BBS9: variants seen among roughly 807,000 people sequenced by gnomAD.
The protein encoded by BBS9 is protein PTHB1.
A neutral mutation model predicts 117.7 loss-of-function variants in BBS9; 89 were observed. That is an observed-to-expected ratio of 0.76 (90% CI 0.64 to 0.90). BBS9 has a LOEUF of 0.90. Ranked by LOEUF, BBS9 falls within the 40% of genes least tolerant of loss-of-function variation. BBS9 has a pLI of 0.00. For missense variants in BBS9, 982 were observed against 1,042.2 expected (o/e 0.94, Z 0.80); for synonymous variants, 379 against 370.9 (o/e 1.02, Z -0.25).
At chr7:33,319,365 A>G (rs1811211924) in intron 9 of BBS9, among the ~76,000 whole-genome samples, 1 of 152,100 alleles carries the variant, frequency 6.6e-6, no homozygotes, top group East Asian at 1.9e-4. Context: ...TGCATGTGTA[A>G]GCATCTTTTT....
At chr7:33,439,348 G>A (rs1487471312) in intron 19 of BBS9, among the ~76,000 whole-genome samples, 10 of 152,116 alleles carry the variant, frequency 6.6e-5, no homozygotes, top group Admixed American at 6.5e-4. Flanking sequence ...ATTTCTCTGA[G>A]TTTTAAAGAA....
chr7:33,439,844 G>C (rs888215507), intron 19 of BBS9, among the ~76,000 whole-genome samples: 5 of 152,078 alleles, frequency 3.3e-5, no homozygotes, highest in Admixed American at 1.3e-4. Flanking sequence ...AATTGTTAAA[G>C]GAAAACCTTT....
chr7:33,141,046 G>A (rs1791372855), intron 1 of BBS9, among the ~76,000 whole-genome samples: 1 of 152,114 alleles, frequency 6.6e-6, no homozygotes, highest in African/African-American at 2.4e-5. Flanking sequence ...AATGAAAACA[G>A]TACAGTGATC....
chr7:33,382,228 G>T (rs542244683), intron 17 of BBS9, among the ~76,000 whole-genome samples: 1 of 152,162 alleles, frequency 6.6e-6, no homozygotes, highest in Non-Finnish European at 1.5e-5. Context: ...TTGGGAGGCC[G>T]AGGTGGGTGG....
At chr7:33,461,621 C>T (rs553952106) in intron 19 of BBS9, among the ~76,000 whole-genome samples, 14 of 151,802 alleles carry the variant, frequency 9.2e-5, no homozygotes, top group African/African-American at 2.9e-4. Flanking sequence ...TTTAAATGTT[C>T]GGGCACAGTA....
intron 5 of BBS9, among the ~76,000 whole-genome samples, chr7:33,180,237 C>T (rs1196480376): frequency 2.0e-5 from 3 of 152,216 alleles, no homozygotes; most frequent in African/African-American, 7.2e-5. Flanking sequence ...GGGAACAACA[C>T]AGCAGTAGGG....
At position 33,157,782 on chromosome 7, in the gene BBS9, A is replaced by G. The variant is rs542477989; in HGVS notation, c.328+2080A>G. The G allele has an allele frequency of 2.6e-5, 4 of 152,240 alleles. No homozygotes were observed. In the East Asian group the frequency reaches 7.7e-4, roughly 29 times the overall value. The allele number at this position is 152,240 out of a possible 1,614,324, so 9.4% of individuals were successfully genotyped here. ...GTCAGTCTCCTGGACATACCTAACA[A>G]CCCTTAATAGTCAGAGGCTATTTTG... On this transcript the variant is annotated intron_variant, in intron 4 of 22. Coordinates refer to ENST00000242067, the MANE Select transcript of BBS9 (RefSeq NM_198428.3).
intron 17 of BBS9, among the ~76,000 whole-genome samples, chr7:33,378,401 C>G (rs1286324607): frequency 6.6e-6 from 1 of 152,140 alleles, no homozygotes; most frequent in Non-Finnish European, 1.5e-5. Flanking sequence ...TATTACCTCT[C>G]TTTTATAAAG....
intron 8 of BBS9, 30 bp downstream of exon 8, chr7:33,273,225 C>G (rs892834804): frequency 1.2e-6 from 2 of 1,609,874 alleles, no homozygotes; most frequent in African/African-American, 2.7e-5. Context: ...TTTATCTCTT[C>G]CATATGTCAA....
In BBS9 at chr7:33,554,139, G is replaced by A. The variant is rs911389614; in HGVS notation, c.2521+19963G>A. Among the ~76,000 whole-genome samples, 3 of 152,020 alleles carry A rather than the reference G, an allele frequency of 2.0e-5. No homozygotes were observed. The East Asian group carries it at 5.8e-4, about 29-fold the overall frequency. On this transcript the variant is annotated intron_variant, in intron 21 of 22. Coordinates refer to ENST00000242067, the MANE Select transcript of BBS9 (RefSeq NM_198428.3). ...GTCTATCTGGCTTGATCTTGATGAG[G>A]ACAAATGGCAGGGAGAGTTAGATTG...
chr7:33,387,887 A>G, intron 18 of BBS9, 105 bp from the exon 19 acceptor site: 1 of 1,329,052 alleles, frequency 7.5e-7, no homozygotes, highest in Non-Finnish European at 1.1e-6. Flanking sequence ...AATGCATTTA[A>G]ATTTCTTCAT....
intron 19 of BBS9, among the ~76,000 whole-genome samples, chr7:33,443,324 G>A (rs1169772597): frequency 6.6e-6 from 1 of 152,116 alleles, no homozygotes; most frequent in African/African-American, 2.4e-5. Flanking sequence ...ATCTGGAAAA[G>A]TTAATTCCTT....
At chr7:33,193,778 AC>A (rs1784538843) in intron 5 of BBS9, among the ~76,000 whole-genome samples, 3 of 151,924 alleles carry the variant, frequency 2.0e-5, no homozygotes, top group African/African-American at 7.3e-5. Flanking sequence ...CTGTCACACT[AC>A]CTGGTTGGTC....
At chr7:33,510,727 T>C (rs952466666) in intron 20 of BBS9, among the ~76,000 whole-genome samples, 1 of 152,186 alleles carries the variant, frequency 6.6e-6, no homozygotes, top group Non-Finnish European at 1.5e-5. Context: ...AGCTACCCAA[T>C]AGCCACATGT....
At chr7:33,556,761 C>CGA (rs529015908) in intron 21 of BBS9, among the ~76,000 whole-genome samples, 224 of 152,272 alleles carry the variant, frequency 1.5e-3, no homozygotes, top group African/African-American at 5.2e-3. Context: ...CACAGAACTG[C>CGA]TCTAAGGTCT....
At chr7:33,448,124 A>G (rs536626748) in intron 19 of BBS9, among the ~76,000 whole-genome samples, 1 of 152,180 alleles carries the variant, frequency 6.6e-6, no homozygotes, top group African/African-American at 2.4e-5. Flanking sequence ...TGCCACTCTG[A>G]TTCTTGGCCG....
At chr7:33,227,667 C>T (rs1791558622) in intron 5 of BBS9, among the ~76,000 whole-genome samples, 2 of 152,024 alleles carry the variant, frequency 1.3e-5, no homozygotes, top group Non-Finnish European at 2.9e-5. Context: ...GCTTTTGCAT[C>T]CTCATAACTT....
intron 5 of BBS9, among the ~76,000 whole-genome samples, chr7:33,229,974 C>T (rs1383149102): frequency 6.6e-6 from 1 of 152,118 alleles, no homozygotes; most frequent in African/African-American, 2.4e-5. Context: ...GGAACTATCT[C>T]ATAGTGGTTT....
intron 17 of BBS9, among the ~76,000 whole-genome samples, chr7:33,373,591 C>A (rs907067377): frequency 1.3e-5 from 2 of 152,106 alleles, no homozygotes; most frequent in African/African-American, 4.8e-5. Context: ...CTGAAAAAAT[C>A]TGAAATCCAG....
Sources: gnomAD v4.1 joint callset for allele counts (sites outside exome capture counted in the v4.1 genomes callset) on GRCh38, gnomAD v4.1.1 for gene constraint, MANE v1.5 for transcripts, NCBI Gene and HGNC (gene_info 2026-07-23, HGNC 2026-07-21) for gene names.